UTRN: variants seen among roughly 807,000 people sequenced by gnomAD.
UTRN encodes the protein utrophin.
Under a neutral mutation model 463.9 loss-of-function variants are expected in UTRN, and 283 were observed. The observed-to-expected ratio is 0.61, with a 90% CI of 0.55 to 0.67. The LOEUF is 0.67. Among genes scored for constraint, UTRN ranks in the 30% least tolerant of loss-of-function variants. The pLI is 0.00. For missense variants in UTRN, 3,922 were observed against 4,084.3 expected (o/e 0.96, Z 1.08); for synonymous variants, 1,442 against 1,431.5 (o/e 1.01, Z -0.17).
chr6:144,406,115 G>A (rs1216913546), intron 3 of UTRN, among the ~76,000 whole-genome samples: 2 of 152,088 alleles, frequency 1.3e-5, no homozygotes, highest in Non-Finnish European at 2.9e-5. Context: ...TTTTTCTTGT[G>A]TAAAACATGT....
At chr6:144,663,251 G>T (rs1214768018) in intron 51 of UTRN, among the ~76,000 whole-genome samples, 1 of 152,112 alleles carries the variant, frequency 6.6e-6, no homozygotes, top group Non-Finnish European at 1.5e-5. Flanking sequence ...CAGCAAGCAG[G>T]TCCTAATCAT....
At chr6:144,335,391 G>A (rs1367838051) in intron 2 of UTRN, among the ~76,000 whole-genome samples, 3 of 152,194 alleles carry the variant, frequency 2.0e-5, no homozygotes, top group Non-Finnish European at 4.4e-5. Flanking sequence ...ACTCTGTAGA[G>A]CATTTTAATA....
At chr6:144,841,337 G>C (rs1167451530) in intron 73 of UTRN, among the ~76,000 whole-genome samples, 3 of 152,070 alleles carry the variant, frequency 2.0e-5, no homozygotes, top group African/African-American at 7.2e-5. Flanking sequence ...TTTTCTCATG[G>C]AATAAAATAG....
intron 2 of UTRN, among the ~76,000 whole-genome samples, chr6:144,337,023 C>T (rs2114619564): frequency 6.6e-6 from 1 of 152,246 alleles, no homozygotes; most frequent in East Asian, 1.9e-4. Context: ...AGATCGCTGT[C>T]AGCCACTGGA....
At chr6:144,561,096 A>G (rs1362323373) in intron 50 of UTRN, among the ~76,000 whole-genome samples, 1 of 150,070 alleles carries the variant, frequency 6.7e-6, no homozygotes, top group Non-Finnish European at 1.5e-5. Context: ...GCCAGTTGAG[A>G]TAGTGATTGT....
At chr6:144,670,660 A>G (rs1447779116) in intron 51 of UTRN, among the ~76,000 whole-genome samples, 2 of 151,792 alleles carry the variant, frequency 1.3e-5, no homozygotes, top group African/African-American at 4.8e-5. Context: ...TCTATTTATA[A>G]TTGTTTTTGT....
intron 57 of UTRN, among the ~76,000 whole-genome samples, chr6:144,757,272 A>C (rs1210589945): frequency 6.6e-6 from 1 of 151,340 alleles, no homozygotes; most frequent in Non-Finnish European, 1.5e-5. Flanking sequence ...CAATTTAAAA[A>C]CCCCATAAAA....
intron 2 of UTRN, among the ~76,000 whole-genome samples, chr6:144,329,010 C>G (rs1482544922): frequency 6.6e-6 from 1 of 151,692 alleles, no homozygotes; most frequent in Non-Finnish European, 1.5e-5. Flanking sequence ...ATCTTGAAGT[C>G]CTGACCTCAG....
intron 31 of UTRN, 95 bp from the exon 32 acceptor site, chr6:144,490,834 C>A: frequency 7.2e-7 from 1 of 1,381,582 alleles, no homozygotes; most frequent in Non-Finnish European, 9.6e-7. Context: ...TCTTTTGGTA[C>A]TTTATGGTAC....
intron 51 of UTRN, among the ~76,000 whole-genome samples, chr6:144,664,265 A>G (rs911939336): frequency 3.9e-5 from 6 of 152,168 alleles, no homozygotes; most frequent in African/African-American, 1.2e-4. Flanking sequence ...TCAGGGTAAC[A>G]GGGACTGCTT....
intron 32 of UTRN, among the ~76,000 whole-genome samples, chr6:144,491,888 G>A (rs1052683942): frequency 6.6e-6 from 1 of 152,330 alleles, no homozygotes; most frequent in African/African-American, 2.4e-5. Flanking sequence ...ATGTTGAGAT[G>A]ATGATGTATA....
At chr6:144,586,321 G>T (rs767265905) in intron 51 of UTRN, among the ~76,000 whole-genome samples, 1 of 151,860 alleles carries the variant, frequency 6.6e-6, no homozygotes, top group Non-Finnish European at 1.5e-5. Flanking sequence ...ATTTCTTCTC[G>T]GTTATACATC....
rs1434314057 is a variant in UTRN at position 144,851,169 on chromosome 6, G to A, written c.*172G>A. ...AAACACTGACTATCCAAAGAGAAAT[G>A]GATATTTTGTTTTTATAATAACCAT... On this transcript the variant is annotated 3_prime_UTR_variant, in exon 75 of 75. Transcript: ENST00000367545. 2 of 789,782 alleles carry A rather than the reference G, an allele frequency of 2.5e-6. No homozygotes were observed. Among genetic ancestry groups the A allele is most frequent in the East Asian group, 2.6e-5 (1 of 38,944 alleles). 48.9% of individuals were successfully genotyped at this position (789,782 alleles called of 1,614,324 possible).
chr6:144,805,380 A>G (rs1778056943), intron 65 of UTRN, among the ~76,000 whole-genome samples: 1 of 152,202 alleles, frequency 6.6e-6, no homozygotes, highest in African/African-American at 2.4e-5. Flanking sequence ...ATTAGAAGAG[A>G]CATTTTAGAT....
rs754240653 is a variant in UTRN, at chr6:144,827,777, A to C, written c.9599+101A>C. The C allele has an allele frequency of 6.6e-6, 9 of 1,359,692 alleles. No individual in the cohort carries two copies. The Admixed American group carries it at 1.4e-4, about 21-fold the overall frequency. 84.2% of individuals were successfully genotyped at this position (1,359,692 alleles called of 1,614,324 possible). A position where few individuals can be genotyped will look rare whatever the true frequency, so the allele number is the denominator to read the frequency against. Reference sequence around the variant, plus strand: ...TAATATACCTTGATTTAAGAAATGCAGTTTTGCAGGAGTTATGATTCCATT... The same window carrying C: ...TAATATACCTTGATTTAAGAAATGCCGTTTTGCAGGAGTTATGATTCCATT... On this transcript the variant is annotated intron_variant, in intron 68 of 74. Coordinates refer to ENST00000367545, the MANE Select transcript of UTRN (RefSeq NM_007124.3).
Position 144,533,230 on chromosome 6 carries a change from T to A in UTRN, c.6203T>A (p.Ile2068Asn). The change falls in exon 43 of 75, where the codon ATT becomes AAT. Residue 2068 changes from isoleucine to asparagine, a missense_variant. Coordinates refer to ENST00000367545, the MANE Select transcript of UTRN (RefSeq NM_007124.3). ...LAGLNQRWDA[I>N]VAEVKDRQPR... ...GGTTTAAACCAACGCTGGGATGCAA[T>A]TGTTGCAGAAGTGAAGGATAGGCAG... 1 of 1,614,086 alleles carries A rather than the reference T, an allele frequency of 6.2e-7. No homozygotes were observed. Among genetic ancestry groups the A allele is most frequent in the South Asian group, 1.1e-5 (1 of 91,078 alleles).
chr6:144,834,704 A>G (rs1264558004), intron 69 of UTRN, among the ~76,000 whole-genome samples: 3 of 152,174 alleles, frequency 2.0e-5, no homozygotes, highest in Non-Finnish European at 2.9e-5. Flanking sequence ...AGCACCACAC[A>G]CCAGGTTCTT....
chr6:144,762,359 G>T (rs1229635238), intron 58 of UTRN, among the ~76,000 whole-genome samples: 3 of 152,146 alleles, frequency 2.0e-5, no homozygotes, highest in African/African-American at 7.2e-5. Context: ...ATTATATTTA[G>T]GAAGGAGGAT....
At chr6:144,726,012 C>T (rs989025612) in intron 53 of UTRN, among the ~76,000 whole-genome samples, 3 of 152,054 alleles carry the variant, frequency 2.0e-5, no homozygotes, top group Admixed American at 1.3e-4. Context: ...CAGCACCCTG[C>T]GCAGAGAGGA....
Sources: allele counts gnomAD v4.1 joint callset (sites outside exome capture counted in the v4.1 genomes callset), GRCh38; gene constraint gnomAD v4.1.1; transcripts MANE v1.5; gene names NCBI Gene and HGNC (gene_info 2026-07-23, HGNC 2026-07-21).